Variants in SPIDR observed in about 807,000 individuals in gnomAD.
SPIDR encodes scaffold protein involved in DNA repair.
In SPIDR, 93 loss-of-function variants were observed where a neutral mutation model predicts 104.6. The observed-to-expected ratio is 0.89, with a 90% CI of 0.75 to 1.06. The LOEUF (loss-of-function observed/expected upper bound fraction) is 1.06. Among genes scored for constraint, SPIDR ranks in the 50% least tolerant of loss-of-function variants. The pLI, the probability that SPIDR is intolerant of heterozygous loss-of-function variation, is 0.00. For missense variants in SPIDR, 1,154 were observed against 1,111.2 expected (o/e 1.04, Z -0.55); for synonymous variants, 431 against 416.9 (o/e 1.03, Z -0.41).
chr8:47,377,133 A>G (rs902052884), intron 5 of SPIDR, among the ~76,000 whole-genome samples: 8 of 152,084 alleles, frequency 5.3e-5, no homozygotes, highest in African/African-American at 1.9e-4. Flanking sequence ...TTTAACCCTA[A>G]ATGGCTTCCA....
intron 8 of SPIDR, among the ~76,000 whole-genome samples, chr8:47,529,333 G>A (rs1010771896): frequency 2.0e-5 from 3 of 152,020 alleles, no homozygotes; most frequent in Non-Finnish European, 2.9e-5. Flanking sequence ...CAGGAGAATC[G>A]TTTGAGCCCA....
At chr8:47,581,681 G>T (rs1298086864) in intron 8 of SPIDR, among the ~76,000 whole-genome samples, 1 of 152,034 alleles carries the variant, frequency 6.6e-6, no homozygotes, top group Non-Finnish European at 1.5e-5. Context: ...GAAAAATGTA[G>T]ATTATATTTT....
intron 14 of SPIDR, among the ~76,000 whole-genome samples, chr8:47,703,456 T>A (rs1183778839): frequency 3.9e-5 from 6 of 152,238 alleles, no homozygotes; most frequent in African/African-American, 1.4e-4. Flanking sequence ...GTGGGCAGAC[T>A]GTTTCTGTAA....
chr8:47,721,633 G>A (rs191266636), intron 16 of SPIDR, among the ~76,000 whole-genome samples: 66 of 152,030 alleles, frequency 4.3e-4, no homozygotes, highest in Middle Eastern at 3.4e-3. Context: ...CACCATGCCC[G>A]GCTAATTTTT....
At chr8:47,657,002 CA>C (rs1290368725) in intron 10 of SPIDR, among the ~76,000 whole-genome samples, 1 of 152,118 alleles carries the variant, frequency 6.6e-6, no homozygotes, top group Non-Finnish European at 1.5e-5. Context: ...GCCAGGGACT[CA>C]GGGGAGGGGA....
intron 8 of SPIDR, among the ~76,000 whole-genome samples, chr8:47,550,392 C>A (rs1437738575): frequency 6.6e-6 from 1 of 152,168 alleles, no homozygotes; most frequent in East Asian, 1.9e-4. Context: ...TTCTTCCTAT[C>A]CATGAGCATG....
intron 3 of SPIDR, among the ~76,000 whole-genome samples, chr8:47,290,750 T>C (rs2039763793): frequency 6.6e-6 from 1 of 152,194 alleles, no homozygotes; most frequent in South Asian, 2.1e-4. Context: ...TTATTTCAAG[T>C]CTTATTTTTC....
chr8:47,277,822 A>G (rs1554555387), intron 1 of SPIDR, among the ~76,000 whole-genome samples: 4 of 151,696 alleles, frequency 2.6e-5, no homozygotes, highest in Non-Finnish European at 5.9e-5. Flanking sequence ...CTACAGGCGC[A>G]CACCACCATT....
At chr8:47,503,570 T>G (rs1187677707) in intron 8 of SPIDR, among the ~76,000 whole-genome samples, 1 of 152,072 alleles carries the variant, frequency 6.6e-6, no homozygotes, top group Non-Finnish European at 1.5e-5. Flanking sequence ...AGCACACTGA[T>G]GGGTCTCGAC....
At chr8:47,538,605 C>T (rs983429478) in intron 8 of SPIDR, among the ~76,000 whole-genome samples, 6 of 151,910 alleles carry the variant, frequency 3.9e-5, no homozygotes, top group Non-Finnish European at 7.4e-5. Context: ...TTTTCTTTCT[C>T]GGTTTTGAGC....
chr8:47,696,714 G>C (rs1448677828), intron 11 of SPIDR, among the ~76,000 whole-genome samples: 1 of 152,156 alleles, frequency 6.6e-6, no homozygotes, highest in Non-Finnish European at 1.5e-5. Flanking sequence ...CCTAGCACTG[G>C]AGACTTTGGA....
At chr8:47,484,560 G>A (rs781922542) in intron 8 of SPIDR, among the ~76,000 whole-genome samples, 3 of 152,190 alleles carry the variant, frequency 2.0e-5, no homozygotes, top group Non-Finnish European at 4.4e-5. Context: ...GGCTCATGCT[G>A]TTAGGTTTCC....
chr8:47,595,970 A>T lies in SPIDR; in HGVS notation c.1257A>T (p.Val419=), dbSNP rs764610529. 5.0e-6 allele frequency: 8 copies of T among 1,613,576 alleles called. No individual in the cohort carries two copies. Among genetic ancestry groups the T allele is most frequent in the Non-Finnish European group, 8.5e-7 (1 of 1,179,878 alleles). ...GCATCTCTTTGGCCCAGATGTTTGT[A>T]ATTAAGGGTCTAACAAATAATTCAC... is the stretch of plus-strand genomic sequence containing the variant. ...RRSISLAQMF[V]IKGLTNNSPE... Residue 419 remains valine (V), a synonymous_variant, in exon 9 of 20, where the codon GTA becomes GTT. Coordinates refer to ENST00000297423, the MANE Select transcript of SPIDR (RefSeq NM_001080394.4).
chr8:47,492,136 A>G (rs926087234), intron 8 of SPIDR, among the ~76,000 whole-genome samples: 6 of 152,072 alleles, frequency 3.9e-5, no homozygotes, highest in Non-Finnish European at 5.9e-5. Flanking sequence ...CATGTGAAAA[A>G]GCTGGGTGGA....
At chr8:47,363,379 T>C (rs1358672157) in intron 5 of SPIDR, among the ~76,000 whole-genome samples, 1 of 151,366 alleles carries the variant, frequency 6.6e-6, no homozygotes, top group East Asian at 1.9e-4. Context: ...CTAATTTTTT[T>C]GTATTTTTAG....
chr8:47,629,702 C>T (rs372149238), intron 10 of SPIDR, among the ~76,000 whole-genome samples: 4 of 152,148 alleles, frequency 2.6e-5, no homozygotes, highest in Non-Finnish European at 5.9e-5. Context: ...TGCAGTGAGC[C>T]GAGATCGTGC....
chr8:47,372,321 A>G (rs1311596916), intron 5 of SPIDR, among the ~76,000 whole-genome samples: 1 of 152,232 alleles, frequency 6.6e-6, no homozygotes, highest in Non-Finnish European at 1.5e-5. Context: ...TTATCTTTGC[A>G]TAGCCGGTGC....
intron 5 of SPIDR, among the ~76,000 whole-genome samples, chr8:47,321,783 T>C (rs1416156036): frequency 6.6e-6 from 1 of 152,036 alleles, no homozygotes; most frequent in Non-Finnish European, 1.5e-5. Context: ...CCCTCAGAAA[T>C]AATGCCACAT....
intron 8 of SPIDR, among the ~76,000 whole-genome samples, chr8:47,576,332 G>A (rs1257077491): frequency 1.3e-5 from 2 of 152,126 alleles, no homozygotes; most frequent in African/African-American, 2.4e-5. Flanking sequence ...TGTATTTTTA[G>A]TAGAGACGGG....
Sources: allele counts gnomAD v4.1 joint callset (sites outside exome capture counted in the v4.1 genomes callset), GRCh38; gene constraint gnomAD v4.1.1; transcripts MANE v1.5; gene names NCBI Gene and HGNC (gene_info 2026-07-23, HGNC 2026-07-21).